RIT2: variants seen among roughly 807,000 people sequenced by gnomAD.
The protein encoded by RIT2 is GTP-binding protein Rit2.
In RIT2, 24 loss-of-function variants were observed where a neutral mutation model predicts 23.7. The ratio of observed to expected loss-of-function variants is 1.01; its 90% CI spans 0.73 to 1.43. The LOEUF (loss-of-function observed/expected upper bound fraction) is 1.43, where lower values mean the gene tolerates loss of function less well. Among genes scored for constraint, RIT2 ranks in the 40% most tolerant of loss-of-function variants. The pLI is 0.00. For missense variants in RIT2, 236 were observed against 266.9 expected (o/e 0.88, Z 0.81); for synonymous variants, 107 against 91.1 (o/e 1.17, Z -0.99).
At chr18:42,830,003 A>C (rs1009051717) in intron 4 of RIT2, among the ~76,000 whole-genome samples, 5 of 152,200 alleles carry the variant, frequency 3.3e-5, no homozygotes, top group Admixed American at 6.5e-5. Flanking sequence ...CAGTGGGAAA[A>C]TGAGATACAT....
chr18:42,887,954 A>G (rs1294303732), intron 4 of RIT2, among the ~76,000 whole-genome samples: 1 of 152,136 alleles, frequency 6.6e-6, no homozygotes, highest in Non-Finnish European at 1.5e-5. Flanking sequence ...ATTCTAGAAA[A>G]GGTAAAACTA....
At chr18:42,797,322 G>T (rs530656676) in intron 4 of RIT2, among the ~76,000 whole-genome samples, 1 of 152,134 alleles carries the variant, frequency 6.6e-6, no homozygotes, top group East Asian at 1.9e-4. Flanking sequence ...GTTTACTCTT[G>T]TGGTGGTCAC....
chr18:42,950,151 T>G (rs1909815899), intron 3 of RIT2, among the ~76,000 whole-genome samples: 1 of 152,038 alleles, frequency 6.6e-6, no homozygotes, highest in Non-Finnish European at 1.5e-5. Flanking sequence ...TCTAGTTAAT[T>G]AAATACTATA....
chr18:43,051,343 G>C (rs936707873), intron 1 of RIT2, among the ~76,000 whole-genome samples: 1 of 152,118 alleles, frequency 6.6e-6, no homozygotes, highest in Non-Finnish European at 1.5e-5. Context: ...AGAATGAATA[G>C]ATACTACAGA....
intron 4 of RIT2, among the ~76,000 whole-genome samples, chr18:42,856,243 A>G (rs777236808): frequency 2.0e-4 from 30 of 152,250 alleles, no homozygotes; most frequent in Admixed American, 1.9e-3. Context: ...GTAGGTCATT[A>G]GACCTTTGTT....
intron 4 of RIT2, among the ~76,000 whole-genome samples, chr18:42,819,471 T>C (rs1013395699): frequency 6.6e-6 from 1 of 152,106 alleles, no homozygotes; most frequent in Non-Finnish European, 1.5e-5. Flanking sequence ...GTTGTTGTTT[T>C]TCCTTCTAAA....
At chr18:42,890,801 A>G (rs983318429) in intron 4 of RIT2, among the ~76,000 whole-genome samples, 1 of 152,150 alleles carries the variant, frequency 6.6e-6, no homozygotes, top group African/African-American at 2.4e-5. Flanking sequence ...AAAGAATAAT[A>G]AAGATAAATC....
intron 4 of RIT2, 53 bp from the exon 5 acceptor site, chr18:42,743,773 T>C: frequency 7.4e-7 from 1 of 1,355,548 alleles, no homozygotes; most frequent in Non-Finnish European, 1.0e-6. Context: ...GACTCTTCAA[T>C]TAAAAATACG....
chr18:43,033,897 T>C (rs376172944), intron 1 of RIT2, 30 bp from the exon 2 acceptor site: 36 of 1,489,476 alleles, frequency 2.4e-5, no homozygotes, highest in Non-Finnish European at 2.8e-5. Flanking sequence ...TTTTGTTTAA[T>C]AAAAATTCAC....
chr18:43,094,124 T>G (rs946743935), intron 1 of RIT2, among the ~76,000 whole-genome samples: 1 of 24,002 alleles, frequency 4.2e-5, no homozygotes, highest in Non-Finnish European at 1.4e-4. Context: ...GTTTTTTTTG[T>G]TTTTTTTTTT....
intron 3 of RIT2, among the ~76,000 whole-genome samples, chr18:42,973,274 C>T (rs186421185): frequency 1.7e-3 from 264 of 151,712 alleles, no homozygotes; most frequent in African/African-American, 5.8e-3. Flanking sequence ...GATATGTGTA[C>T]ATTATACCTC....
At chr18:43,062,048 C>T (rs1390525755) in intron 1 of RIT2, among the ~76,000 whole-genome samples, 1 of 152,028 alleles carries the variant, frequency 6.6e-6, no homozygotes, top group East Asian at 1.9e-4. Context: ...CATGGGATGC[C>T]ACTCCCTCCC....
chr18:42,945,746 G>A (rs921680496), intron 3 of RIT2, among the ~76,000 whole-genome samples: 2 of 151,924 alleles, frequency 1.3e-5, no homozygotes, highest in African/African-American at 2.4e-5. Context: ...GTGCAAGGAC[G>A]CATCATATCT....
Position 42,743,639 on chromosome 18 carries a change from T to C in RIT2, c.508A>G (p.Ile170Val). 2 of 1,614,088 alleles carry C rather than the reference T, an allele frequency of 1.2e-6. No homozygotes were observed. Among genetic ancestry groups the C allele is most frequent in the Non-Finnish European group, 8.5e-7 (1 of 1,179,982 alleles). ...ACTAAGCCATGAAAAGCATCATCAATACAGAATCTGAGGGCTGCAGAGGTC... is the reference window on the plus strand; with the variant it reads ...ACTAAGCCATGAAAAGCATCATCAACACAGAATCTGAGGGCTGCAGAGGTC... ...FETSAALRFC[I>V]DDAFHGLVRE... is the part of the protein sequence containing the mutation. The change falls in exon 5 of 5, where the codon ATT becomes GTT. Residue 170 changes from isoleucine to valine, a missense_variant. Coordinates refer to ENST00000326695, the MANE Select transcript of RIT2 (RefSeq NM_002930.4).
At chr18:42,840,658 T>C (rs929993163) in intron 4 of RIT2, among the ~76,000 whole-genome samples, 7 of 152,172 alleles carry the variant, frequency 4.6e-5, no homozygotes, top group African/African-American at 9.7e-5. Context: ...TGTGACACCA[T>C]GCCTGGCTAA....
intron 1 of RIT2, among the ~76,000 whole-genome samples, chr18:43,063,607 T>C (rs1912703367): frequency 6.6e-6 from 1 of 152,198 alleles, no homozygotes; most frequent in African/African-American, 2.4e-5. Context: ...GAAATGCCTT[T>C]AAACTTCAAT....
chr18:42,989,991 C>T (rs1206957400), intron 2 of RIT2, among the ~76,000 whole-genome samples: 2 of 143,510 alleles, frequency 1.4e-5, no homozygotes, highest in South Asian at 2.3e-4. Context: ...ATATATTACA[C>T]GTTCTGTATT....
chr18:43,022,160 G>A (rs1448425703), intron 2 of RIT2, among the ~76,000 whole-genome samples: 2 of 152,104 alleles, frequency 1.3e-5, no homozygotes, highest in Admixed American at 1.3e-4. Context: ...GCCACAACAT[G>A]GACAGAGCTG....
chr18:42,808,420 C>T (rs888228389), intron 4 of RIT2, among the ~76,000 whole-genome samples: 25 of 152,070 alleles, frequency 1.6e-4, no homozygotes, highest in African/African-American at 5.8e-4. Context: ...TTTTATTCCC[C>T]CATCCTATTG....
Sources: allele counts gnomAD v4.1 joint callset (sites outside exome capture counted in the v4.1 genomes callset), GRCh38; gene constraint gnomAD v4.1.1; transcripts MANE v1.5; gene names NCBI Gene and HGNC (gene_info 2026-07-23, HGNC 2026-07-21).